Variants in TMEM135 observed in about 807,000 individuals in gnomAD.
TMEM135 encodes transmembrane protein 135.
Under a neutral mutation model 60.3 loss-of-function variants are expected in TMEM135, and 30 were observed. The ratio of observed to expected loss-of-function variants is 0.50; its 90% CI spans 0.37 to 0.68. The LOEUF is 0.68. Among genes scored for constraint, TMEM135 ranks in the 30% least tolerant of loss-of-function variants. The pLI, the probability that TMEM135 is intolerant of heterozygous loss-of-function variation, is 0.00. For synonymous variants in TMEM135, 190 were observed against 186.7 expected, an observed-to-expected ratio of 1.02 and a Z score of -0.14; for missense variants, 468 against 548.8, an observed-to-expected ratio of 0.85 and a Z score of 1.47.
At chr11:87,131,268 T>C (rs1364739528) in intron 4 of TMEM135, among the ~76,000 whole-genome samples, 1 of 152,194 alleles carries the variant, frequency 6.6e-6, no homozygotes, top group Non-Finnish European at 1.5e-5. Context: ...TGTAGTTCTA[T>C]GGGTTTGGAC....
chr11:87,105,278 G>A (rs1453337472), intron 4 of TMEM135, among the ~76,000 whole-genome samples: 2 of 152,132 alleles, frequency 1.3e-5, no homozygotes, highest in Non-Finnish European at 2.9e-5. Context: ...GCGGGTGAGC[G>A]AGCATTATTG....
At chr11:87,259,172 GTCC>G in intron 6 of TMEM135, 2 of 586,812 alleles carry the variant, frequency 3.4e-6, no homozygotes, top group Non-Finnish European at 3.1e-6. Flanking sequence ...TCTCCTCGTC[GTCC>G]TCCTCCAACT....
At chr11:87,248,186 T>C (rs1941332899) in intron 6 of TMEM135, among the ~76,000 whole-genome samples, 1 of 152,214 alleles carries the variant, frequency 6.6e-6, no homozygotes, top group Admixed American at 6.5e-5. Context: ...CTCTTTGATA[T>C]ACTGATTTGC....
chr11:87,170,672 A>T (rs1939211391), intron 5 of TMEM135, among the ~76,000 whole-genome samples: 1 of 152,270 alleles, frequency 6.6e-6, no homozygotes, highest in East Asian at 1.9e-4. Flanking sequence ...GCTTTGTCCC[A>T]GAGTGGCATC....
At position 87,145,290 on chromosome 11, in the gene TMEM135, T is replaced by C. The variant is rs528158095; in HGVS notation, c.397-12051T>C. ...ATTTTAAAGGGTGAATAGTATTCCA[T>C]AGTGTAAATACCTCACCTTTTCTTT... On this transcript the variant is annotated intron_variant, in intron 4 of 14. Coordinates refer to ENST00000305494, the MANE Select transcript of TMEM135 (RefSeq NM_022918.4). Among the ~76,000 whole-genome samples, 4 of 152,340 alleles carry C rather than the reference T, an allele frequency of 2.6e-5. No homozygotes were observed. The South Asian group carries it at 8.3e-4, about 32-fold the overall frequency.
intron 6 of TMEM135, among the ~76,000 whole-genome samples, chr11:87,250,506 T>G (rs1941391389): frequency 6.6e-6 from 1 of 151,978 alleles, no homozygotes; most frequent in African/African-American, 2.4e-5. Context: ...TTTCAAGAAA[T>G]TTTTAAATTT....
chr11:87,200,762 GT>G (rs11336897), intron 5 of TMEM135, among the ~76,000 whole-genome samples: 96,120 of 151,924 alleles, frequency 0.63, 32,519 homozygotes, highest in East Asian at 0.91. Flanking sequence ...CCCATGTCCT[GT>G]TATCCATTGA....
At position 87,305,873 on chromosome 11, in the gene TMEM135, A is replaced by G. The variant is rs1422032333; in HGVS notation, c.699-63A>G. ...GCTTTAAACAGATCCACAAACATGT[A>G]CAAACACATGGATATACACACTTTA... is the stretch of plus-strand genomic sequence containing the variant. On this transcript the variant is annotated intron_variant, in intron 8 of 14. Coordinates refer to ENST00000305494, the MANE Select transcript of TMEM135 (RefSeq NM_022918.4). 4.8e-6 allele frequency: 6 copies of G among 1,243,136 alleles called. No individual in the cohort carries two copies. In the East Asian group the frequency reaches 1.2e-4, roughly 26 times the overall value. The allele number at this position is 1,243,136 out of a possible 1,614,324, so 77.0% of individuals were successfully genotyped here. A position where few individuals can be genotyped will look rare whatever the true frequency, so the allele number is the denominator to read the frequency against.
intron 6 of TMEM135, among the ~76,000 whole-genome samples, chr11:87,279,358 A>G (rs1201175549): frequency 5.9e-5 from 9 of 152,184 alleles, no homozygotes; most frequent in African/African-American, 1.9e-4. Context: ...TGCTATGGGT[A>G]GGAACTGTTA....
At chr11:87,135,862 C>T (rs1008286699) in intron 4 of TMEM135, among the ~76,000 whole-genome samples, 3 of 151,904 alleles carry the variant, frequency 2.0e-5, no homozygotes, top group Non-Finnish European at 4.4e-5. Context: ...AGTATTTTGA[C>T]CAATGAAAAT....
Position 87,327,932 on chromosome 11 carries a change from G to A in TMEM135, c.*6599G>A, listed in dbSNP as rs1452075275. On this transcript the variant is annotated 3_prime_UTR_variant, in exon 15 of 15. Transcript: ENST00000305494. ...ATTCTACCCAGGCCTCCAGTGGATT[G>A]GAGGTGCCTGCCCATATTGAGGGCA... is the stretch of plus-strand genomic sequence containing the variant. 1 of 454,006 alleles carries A rather than the reference G, an allele frequency of 2.2e-6. No homozygotes were observed. Among genetic ancestry groups the A allele is most frequent in the Non-Finnish European group, 4.4e-6 (1 of 226,774 alleles). The allele number at this position is 454,006 out of a possible 1,614,324, so 28.1% of individuals were successfully genotyped here.
At chr11:87,138,171 AC>A (rs1218775732) in intron 4 of TMEM135, among the ~76,000 whole-genome samples, 11 of 149,950 alleles carry the variant, frequency 7.3e-5, no homozygotes, top group African/African-American at 2.7e-4. Flanking sequence ...GCCCACTGCA[AC>A]CCCCGCCTCC....
intron 4 of TMEM135, among the ~76,000 whole-genome samples, chr11:87,132,838 C>T (rs191968956): frequency 5.0e-4 from 76 of 152,104 alleles, no homozygotes; most frequent in Middle Eastern, 3.4e-3. Flanking sequence ...TTTCTCTATA[C>T]GTACAAACCT....
intron 4 of TMEM135, among the ~76,000 whole-genome samples, chr11:87,106,100 T>C (rs1396774054): frequency 6.6e-6 from 1 of 151,124 alleles, no homozygotes; most frequent in Non-Finnish European, 1.5e-5. Context: ...CAACTGACAG[T>C]ATTTCTTTCT....
chr11:87,195,567 C>T (rs995516932), intron 5 of TMEM135, among the ~76,000 whole-genome samples: 3 of 151,990 alleles, frequency 2.0e-5, no homozygotes, highest in Admixed American at 1.3e-4. Flanking sequence ...GCTGGGATTA[C>T]AGCTGGCTAA....
At chr11:87,125,768 G>A (rs969697627) in intron 4 of TMEM135, among the ~76,000 whole-genome samples, 2 of 152,154 alleles carry the variant, frequency 1.3e-5, no homozygotes, top group Admixed American at 6.5e-5. Context: ...GGGATGGACA[G>A]CAGTTTTAGA....
chr11:87,260,283 A>G (rs1438448184), intron 6 of TMEM135, among the ~76,000 whole-genome samples: 1 of 152,184 alleles, frequency 6.6e-6, no homozygotes, highest in Non-Finnish European at 1.5e-5. Flanking sequence ...TGTTTGTTGT[A>G]TTTGATAATT....
At position 87,324,148 on chromosome 11, in the gene TMEM135, C is replaced by A; in HGVS notation, c.*2815C>A. The A allele has an allele frequency of 2.2e-6, 1 of 454,050 alleles. No individual in the cohort carries two copies. Among genetic ancestry groups the A allele is most frequent in the Non-Finnish European group, 4.4e-6 (1 of 226,764 alleles). The allele number at this position is 454,050 out of a possible 1,614,324, so 28.1% of individuals were successfully genotyped here. A position where few individuals can be genotyped will look rare whatever the true frequency, so the allele number is the denominator to read the frequency against. The stretch of plus-strand genomic sequence containing the variant: ...GTAGATTGTATCTAGGCTAACATTT[C>A]ATTTAGTTGTTAATGCTGACGTAAT... On this transcript the variant is annotated 3_prime_UTR_variant, in exon 15 of 15. Coordinates refer to ENST00000305494, the MANE Select transcript of TMEM135 (RefSeq NM_022918.4).
chr11:87,106,804 T>A (rs1591023879), intron 4 of TMEM135, among the ~76,000 whole-genome samples: 1 of 152,016 alleles, frequency 6.6e-6, no homozygotes, highest in Non-Finnish European at 1.5e-5. Flanking sequence ...ATTTATGAGG[T>A]TTAATTGGCT....
Sources: allele counts gnomAD v4.1 joint callset (sites outside exome capture counted in the v4.1 genomes callset), GRCh38; gene constraint gnomAD v4.1.1; transcripts MANE v1.5; gene names NCBI Gene and HGNC (gene_info 2026-07-23, HGNC 2026-07-21).